EAF2: variants seen among roughly 807,000 people sequenced by gnomAD.
EAF2 encodes ELL-associated factor 2.
In EAF2, 29 loss-of-function variants were observed where a neutral mutation model predicts 29.4. That is an observed-to-expected ratio of 0.99 (90% CI 0.73 to 1.35). The LOEUF (loss-of-function observed/expected upper bound fraction) is 1.35. Among genes scored for constraint, EAF2 ranks in the 40% most tolerant of loss-of-function variants. EAF2 has a pLI of 0.00. For missense variants in EAF2, 292 were observed against 312.0 expected (o/e 0.94, Z 0.48); for synonymous variants, 103 against 102.5 (o/e 1.00, Z -0.03).
chr3:121,854,959 T>A, intron 3 of EAF2, 136 bp downstream of exon 3: 2 of 939,172 alleles, frequency 2.1e-6, no homozygotes, highest in Non-Finnish European at 3.0e-6. Flanking sequence ...TTTTTCTAAG[T>A]TTAAATTTGG....
chr3:121,835,215 A>C lies in EAF2; in HGVS notation c.-71A>C, dbSNP rs1243804397. The C allele has an allele frequency of 9.0e-6, 13 of 1,451,040 alleles. 1 individual carries two copies. The highest frequency in any genetic ancestry group is 3.5e-4 in the Middle Eastern group (2 of 5,744). The allele number at this position is 1,451,040 out of a possible 1,614,324, so 89.9% of individuals were successfully genotyped here. ...TGACTTGGCTGGCGGGATCAAGTGCAGCTGCTTCAGGCTGAGGTGGCAGAT... is the reference window on the plus strand; with the variant it reads ...TGACTTGGCTGGCGGGATCAAGTGCCGCTGCTTCAGGCTGAGGTGGCAGAT... On this transcript the variant is annotated 5_prime_UTR_variant, in exon 1 of 6. Coordinates refer to ENST00000273668, the MANE Select transcript of EAF2 (RefSeq NM_018456.6).
intron 4 of EAF2, among the ~76,000 whole-genome samples, chr3:121,866,328 C>A (rs1392972308): frequency 1.3e-5 from 2 of 152,142 alleles, no homozygotes; most frequent in Non-Finnish European, 2.9e-5. Context: ...CAAGAATATG[C>A]ATGCTAAACC....
chr3:121,836,586 A>C, intron 1 of EAF2: 1 of 962,844 alleles, frequency 1.0e-6, no homozygotes, highest in Non-Finnish European at 1.2e-6. Context: ...ATTTGTGAAC[A>C]GAAACTCTTC....
intron 2 of EAF2, among the ~76,000 whole-genome samples, chr3:121,851,709 A>G (rs1282924642): frequency 6.6e-6 from 1 of 152,038 alleles, no homozygotes; most frequent in Non-Finnish European, 1.5e-5. Context: ...GCAAGGGAAC[A>G]ATACGATTAG....
chr3:121,877,680 TA>T (rs1368252479), intron 5 of EAF2, among the ~76,000 whole-genome samples: 1 of 151,830 alleles, frequency 6.6e-6, no homozygotes, highest in Non-Finnish European at 1.5e-5. Flanking sequence ...GTTATGAAGA[TA>T]AAAAATAATA....
intron 1 of EAF2, 44 bp downstream of exon 1, chr3:121,835,435 T>G (rs1372512652): frequency 1.3e-5 from 20 of 1,522,876 alleles, no homozygotes; most frequent in Middle Eastern, 1.9e-4. Flanking sequence ...CCTCCCGGGA[T>G]GGGGGTGAAG....
At chr3:121,861,250 G>A (rs1708824527) in intron 4 of EAF2, among the ~76,000 whole-genome samples, 1 of 152,148 alleles carries the variant, frequency 6.6e-6, no homozygotes, top group Admixed American at 6.5e-5. Flanking sequence ...TCATTGATCT[G>A]TCTAATATTG....
intron 1 of EAF2, among the ~76,000 whole-genome samples, chr3:121,842,704 C>T (rs1708458161): frequency 6.6e-6 from 1 of 152,168 alleles, no homozygotes; most frequent in South Asian, 2.1e-4. Context: ...TCTACTTTAT[C>T]TCTGTGATAC....
At chr3:121,883,014 ATTAAT>A (rs1354572694) in intron 5 of EAF2, among the ~76,000 whole-genome samples, 10 of 152,218 alleles carry the variant, frequency 6.6e-5, no homozygotes, top group Admixed American at 5.9e-4. Context: ...TTTGAAAAGC[ATTAAT>A]TTAATTTAAT....
At chr3:121,881,543 T>A (rs1336966863) in intron 5 of EAF2, among the ~76,000 whole-genome samples, 1 of 152,148 alleles carries the variant, frequency 6.6e-6, no homozygotes, top group Non-Finnish European at 1.5e-5. Context: ...AGAGTCTTAC[T>A]CTGTTGCCCA....
intron 1 of EAF2, among the ~76,000 whole-genome samples, chr3:121,839,076 A>G (rs1004076194): frequency 3.3e-5 from 5 of 152,232 alleles, no homozygotes; most frequent in African/African-American, 1.2e-4. Context: ...CTTCATAAAC[A>G]CTAAAACAGA....
intron 5 of EAF2, among the ~76,000 whole-genome samples, chr3:121,884,367 G>A (rs1425851722): frequency 1.3e-5 from 2 of 149,262 alleles, no homozygotes; most frequent in East Asian, 1.9e-4. Context: ...AGAAATGAAA[G>A]TGATGAGATG....
intron 2 of EAF2, among the ~76,000 whole-genome samples, chr3:121,850,956 C>T (rs1298216365): frequency 2.0e-5 from 3 of 152,166 alleles, no homozygotes; most frequent in African/African-American, 7.2e-5. Context: ...CTCCCTTGGC[C>T]TCCCAAAGTG....
In EAF2 at chr3:121,857,023, C is replaced by G; in HGVS notation, c.351C>G (p.Ser117Arg). 1 of 1,610,464 alleles carries G rather than the reference C, an allele frequency of 6.2e-7. No homozygotes were observed. The highest frequency in any genetic ancestry group is 8.5e-7 in the Non-Finnish European group (1 of 1,178,856). ...ITVKKTRVEG[S>R]SKIQYRKEQQ... ...TTCTTAATTGCAGAGTTGAAGGAAG[C>G]AGTAAAATTCAGTATCGTAAAGAAC... The change falls in exon 4 of 6, where the codon AGC becomes AGG. Residue 117 changes from serine (S) to arginine (R), a missense_variant. Coordinates refer to ENST00000273668, the MANE Select transcript of EAF2 (RefSeq NM_018456.6).
Position 121,844,496 on chromosome 3 carries a change from C to T in EAF2, c.150C>T (p.Tyr50=). 6.2e-7 allele frequency: 1 copy of T among 1,610,768 alleles called. No individual in the cohort carries two copies. Among genetic ancestry groups the T allele is most frequent in the Non-Finnish European group, 8.5e-7 (1 of 1,178,614 alleles). Reference sequence around the variant, plus strand: ...CTATTGACACTTCTTCTGAAGGATACCTTGAGGTTGGTGAAGGTGAACAGG... The same window carrying T: ...CTATTGACACTTCTTCTGAAGGATATCTTGAGGTTGGTGAAGGTGAACAGG... The part of the protein sequence containing the change: ...PASIDTSSEG[Y]LEVGEGEQVT... Residue 50 remains tyrosine (Y), a synonymous_variant, in exon 2 of 6, where the codon TAC becomes TAT. Coordinates refer to ENST00000273668, the MANE Select transcript of EAF2 (RefSeq NM_018456.6).
At chr3:121,858,378 G>A (rs977720633) in intron 4 of EAF2, among the ~76,000 whole-genome samples, 2 of 152,188 alleles carry the variant, frequency 1.3e-5, no homozygotes, top group South Asian at 2.1e-4. Context: ...GTGTGAGATG[G>A]TATCTCATTG....
intron 4 of EAF2, 40 bp from the exon 5 acceptor site, chr3:121,872,494 ATTT>A (rs1709030787): frequency 7.1e-7 from 1 of 1,405,300 alleles, no homozygotes; most frequent in Non-Finnish European, 9.6e-7. Context: ...TTTATTTAGC[ATTT>A]TTTATTTAAC....
At chr3:121,841,740 T>C (rs1433089836) in intron 1 of EAF2, among the ~76,000 whole-genome samples, 1 of 151,434 alleles carries the variant, frequency 6.6e-6, no homozygotes, top group Admixed American at 6.6e-5. Context: ...CCGGGCGCAG[T>C]TGCTCACGCC....
intron 2 of EAF2, among the ~76,000 whole-genome samples, chr3:121,847,305 G>A (rs1416520633): frequency 2.0e-5 from 3 of 152,262 alleles, no homozygotes; most frequent in Admixed American, 6.5e-5. Flanking sequence ...CAGGGTACAG[G>A]GAGGAGACAT....
Sources: gnomAD v4.1 joint callset for allele counts (sites outside exome capture counted in the v4.1 genomes callset) on GRCh38, gnomAD v4.1.1 for gene constraint, MANE v1.5 for transcripts, NCBI Gene and HGNC (gene_info 2026-07-23, HGNC 2026-07-21) for gene names.